Variants in ARHGAP42 observed in about 807,000 individuals in gnomAD.
ARHGAP42 encodes Rho GTPase activating protein 42.
Under a neutral mutation model 125.0 loss-of-function variants are expected in ARHGAP42, and 63 were observed. That is an observed-to-expected ratio of 0.50 (90% CI 0.41 to 0.62). The LOEUF is 0.62. Among genes scored for constraint, ARHGAP42 ranks in the 20% least tolerant of loss-of-function variants. ARHGAP42 has a pLI of 0.00. For missense variants in ARHGAP42, 766 were observed against 1,024.2 expected, an observed-to-expected ratio of 0.75 and a Z score of 3.44; for synonymous variants, 339 against 351.0, an observed-to-expected ratio of 0.97 and a Z score of 0.38.
In ARHGAP42 at chr11:100,822,109, G is replaced by A. The variant is rs183577343; in HGVS notation, c.312+26943G>A. Among the ~76,000 whole-genome samples the A allele has an allele frequency of 9.3e-4, 142 of 152,182 alleles. 1 individual carries two copies. The highest frequency in any genetic ancestry group is 3.3e-3 in the African/African-American group (137 of 41,546). On this transcript the variant is annotated intron_variant, in intron 3 of 23. Coordinates refer to ENST00000298815, the MANE Select transcript of ARHGAP42 (RefSeq NM_152432.4). Reference sequence around the variant, plus strand: ...TAGGTAGGGTCAAGATCTCTATAGGGTGGCATTTGACACCTTTTGTATTAA... The same window carrying A: ...TAGGTAGGGTCAAGATCTCTATAGGATGGCATTTGACACCTTTTGTATTAA...
intron 1 of ARHGAP42, among the ~76,000 whole-genome samples, chr11:100,745,387 G>A (rs1341348313): frequency 6.6e-6 from 1 of 152,140 alleles, no homozygotes; most frequent in African/African-American, 2.4e-5. Flanking sequence ...GATAGTTAAG[G>A]GAGGTTTTAG....
At chr11:100,842,937 C>T (rs1394775249) in intron 3 of ARHGAP42, among the ~76,000 whole-genome samples, 1 of 151,762 alleles carries the variant, frequency 6.6e-6, no homozygotes, top group Non-Finnish European at 1.5e-5. Context: ...AAAACCAAAC[C>T]CAAACCCAGC....
intron 1 of ARHGAP42, among the ~76,000 whole-genome samples, chr11:100,764,005 C>T (rs1018379472): frequency 3.5e-5 from 5 of 141,394 alleles, no homozygotes; most frequent in African/African-American, 7.9e-5. Flanking sequence ...CCTCCTCCCC[C>T]TCTTCTTCTT....
chr11:100,980,929 G>A (rs1320686105), intron 22 of ARHGAP42, among the ~76,000 whole-genome samples: 1 of 152,018 alleles, frequency 6.6e-6, no homozygotes, highest in African/African-American at 2.4e-5. Context: ...ACTTTTAGTG[G>A]GGATCAGCAT....
chr11:100,836,184 A>AT (rs1467062207), intron 3 of ARHGAP42, among the ~76,000 whole-genome samples: 1 of 147,096 alleles, frequency 6.8e-6, no homozygotes, highest in African/African-American at 2.7e-5. Flanking sequence ...GCAGTTAGTT[A>AT]TTAGTAGAGT....
chr11:100,875,439 C>T (rs1443807235), intron 4 of ARHGAP42, among the ~76,000 whole-genome samples: 1 of 152,084 alleles, frequency 6.6e-6, no homozygotes, highest in East Asian at 1.9e-4. Flanking sequence ...CGGAGCCATC[C>T]CTGCCACTCC....
In ARHGAP42 at chr11:100,993,178, G is replaced by T. The variant is rs961100687; in HGVS notation, c.*4377G>T. ...GGACCATCTGCCATCTTTCATGAGT[G>T]TTTCCCATGGTGTTTTTGCATCCAG... On this transcript the variant is annotated 3_prime_UTR_variant, in exon 24 of 24. Transcript: ENST00000298815. The T allele has an allele frequency of 1.2e-5, 2 of 167,790 alleles. No homozygotes were observed. Among genetic ancestry groups the T allele is most frequent in the African/African-American group, 4.8e-5 (2 of 41,412 alleles). The allele number at this position is 167,790 out of a possible 1,614,324, so 10.4% of individuals were successfully genotyped here.
At chr11:100,908,276 A>G (rs927778123) in intron 4 of ARHGAP42, among the ~76,000 whole-genome samples, 2 of 152,208 alleles carry the variant, frequency 1.3e-5, no homozygotes. Context: ...CTTGCTTGTC[A>G]TCAGTGGAAG....
chr11:100,913,500 C>A lies in ARHGAP42; in HGVS notation c.433C>A (p.Leu145Ile), dbSNP rs1157721890. ...DKESEKYYSI[L>I]EKHLNLSAKK... ...AGAGAGTGAAAAATATTACTCTATC[C>A]TTGAAAAGCATTTAAATTTGTCCGC... The change falls in exon 5 of 24, where the codon CTT (leucine) becomes ATT (isoleucine). Residue 145 changes from leucine (L) to isoleucine (I), a missense_variant. Leu to Ile is a conservative substitution (Grantham distance 5). Transcript: ENST00000298815. 7.7e-7 allele frequency: 1 copy of A among 1,298,276 alleles called. No individual in the cohort carries two copies. Among genetic ancestry groups the A allele is most frequent in the Non-Finnish European group, 1.0e-6 (1 of 986,454 alleles). 80.4% of individuals were successfully genotyped at this position (1,298,276 alleles called of 1,614,324 possible). A position where few individuals can be genotyped will look rare whatever the true frequency, so the allele number is the denominator to read the frequency against.
At chr11:100,887,864 T>TA (rs1866128800) in intron 4 of ARHGAP42, among the ~76,000 whole-genome samples, 1 of 152,168 alleles carries the variant, frequency 6.6e-6, no homozygotes, top group Non-Finnish European at 1.5e-5. Context: ...TTAAGCTCAC[T>TA]AGGAGGCAAT....
At chr11:100,947,261 G>T (rs185692304) in intron 10 of ARHGAP42, among the ~76,000 whole-genome samples, 6 of 151,966 alleles carry the variant, frequency 3.9e-5, no homozygotes, top group African/African-American at 1.4e-4. Flanking sequence ...TAAGACTACT[G>T]CATAAAGAGG....
intron 3 of ARHGAP42, among the ~76,000 whole-genome samples, chr11:100,809,492 C>G (rs1864086199): frequency 6.6e-6 from 1 of 152,132 alleles, no homozygotes; most frequent in South Asian, 2.1e-4. Context: ...GTCATTTGAA[C>G]AGAATACTAT....
intron 3 of ARHGAP42, among the ~76,000 whole-genome samples, chr11:100,816,139 T>C (rs906794483): frequency 4.6e-5 from 7 of 152,218 alleles, no homozygotes; most frequent in Non-Finnish European, 1.0e-4. Flanking sequence ...TTTGAGACCC[T>C]GGTTTCAATT....
At chr11:100,856,841 G>T (rs1270696922) in intron 3 of ARHGAP42, among the ~76,000 whole-genome samples, 1 of 151,946 alleles carries the variant, frequency 6.6e-6, no homozygotes, top group Non-Finnish European at 1.5e-5. Context: ...CCAAATCTAT[G>T]CTAGTGATTT....
chr11:100,918,135 AT>A (rs1399195054), intron 5 of ARHGAP42, among the ~76,000 whole-genome samples: 2 of 56,316 alleles, frequency 3.6e-5, no homozygotes, highest in Non-Finnish European at 6.4e-5. Context: ...ATCTACACTC[AT>A]TTTATTTTTT....
intron 4 of ARHGAP42, among the ~76,000 whole-genome samples, chr11:100,912,662 C>T (rs1240074841): frequency 6.6e-6 from 1 of 152,120 alleles, no homozygotes; most frequent in African/African-American, 2.4e-5. Flanking sequence ...CCAGGAATGT[C>T]CTCTTCCCTT....
chr11:100,722,469 C>T (rs1861777175), intron 1 of ARHGAP42, among the ~76,000 whole-genome samples: 1 of 150,754 alleles, frequency 6.6e-6, no homozygotes, highest in African/African-American at 2.4e-5. Context: ...TGGCTCACTA[C>T]AACCTGCACC....
chr11:100,964,519 C>G (rs1190041154), intron 16 of ARHGAP42, among the ~76,000 whole-genome samples: 1 of 152,108 alleles, frequency 6.6e-6, no homozygotes, highest in Non-Finnish European at 1.5e-5. Flanking sequence ...ATAACTGCGC[C>G]CAGATGAAAT....
chr11:100,947,248 G>A (rs979795572), intron 10 of ARHGAP42, among the ~76,000 whole-genome samples: 1 of 151,734 alleles, frequency 6.6e-6, no homozygotes, highest in Non-Finnish European at 1.5e-5. Flanking sequence ...TTTCCTAAAT[G>A]GTTAAGACTA....
Sources: gnomAD v4.1 joint callset for allele counts (sites outside exome capture counted in the v4.1 genomes callset) on GRCh38, gnomAD v4.1.1 for gene constraint, MANE v1.5 for transcripts, NCBI Gene and HGNC (gene_info 2026-07-23, HGNC 2026-07-21) for gene names.